LMNTD1: variants seen among roughly 807,000 people sequenced by gnomAD.
LMNTD1 encodes lamin tail domain containing 1, also known as lamin tail domain-containing protein 1.
A neutral mutation model predicts 50.9 loss-of-function variants in LMNTD1; 35 were observed. The observed-to-expected ratio is 0.69, with a 90% CI of 0.53 to 0.91. The LOEUF is 0.91. Among genes scored for constraint, LMNTD1 ranks in the 40% least tolerant of loss-of-function variants. The probability of loss-of-function intolerance (pLI) is 0.00; values close to 1 mark genes in which losing one functional copy is unlikely to be tolerated. For synonymous variants in LMNTD1, 153 were observed against 161.9 expected, an observed-to-expected ratio of 0.94 and a Z score of 0.42; for missense variants, 470 against 475.5, an observed-to-expected ratio of 0.99 and a Z score of 0.11.
chr12:25,607,253 A>G (rs879071739), intron 1 of LMNTD1, among the ~76,000 whole-genome samples: 3 of 152,160 alleles, frequency 2.0e-5, no homozygotes, highest in African/African-American at 7.2e-5. Flanking sequence ...CTAGCAGTCT[A>G]TCAACTTTGT....
intron 2 of LMNTD1, among the ~76,000 whole-genome samples, chr12:25,549,978 A>G (rs1943660094): frequency 6.6e-6 from 1 of 152,072 alleles, no homozygotes; most frequent in African/African-American, 2.4e-5. Flanking sequence ...CATGATTATA[A>G]TTCTGGTTTA....
intron 8 of LMNTD1, among the ~76,000 whole-genome samples, chr12:25,506,659 C>T (rs1316773296): frequency 2.6e-5 from 4 of 151,140 alleles, no homozygotes; most frequent in Non-Finnish European, 4.4e-5. Context: ...TTCATTCTGA[C>T]GACTCCTTCG....
At chr12:25,514,996 A>G (rs1940646732) in intron 8 of LMNTD1, among the ~76,000 whole-genome samples, 1 of 152,148 alleles carries the variant, frequency 6.6e-6, no homozygotes, top group South Asian at 2.1e-4. Flanking sequence ...AGAGCAGTTG[A>G]GCAAAATCTA....
intron 1 of LMNTD1, among the ~76,000 whole-genome samples, chr12:25,606,775 G>A (rs368417262): frequency 5.3e-5 from 8 of 151,994 alleles, no homozygotes; most frequent in East Asian, 1.9e-4. Context: ...TTCATCAAGG[G>A]TATTGGTCTA....
At chr12:25,585,481 C>T (rs2136443574) in intron 1 of LMNTD1, among the ~76,000 whole-genome samples, 2 of 152,270 alleles carry the variant, frequency 1.3e-5, no homozygotes, top group South Asian at 4.1e-4. Flanking sequence ...AAGGAAAAAA[C>T]TTCTTAACTC....
chr12:25,552,765 C>G lies in LMNTD1; in HGVS notation c.89+106G>C, dbSNP rs112240149. 2,496 of 689,416 alleles carry G rather than the reference C, an allele frequency of 3.6e-3. 90 individuals carry two copies. In the Admixed American group the frequency reaches 0.057, roughly 16 times the overall value. 42.7% of individuals were successfully genotyped at this position (689,416 alleles called of 1,614,324 possible). ...AAAATTTGTGAGATATATTCTAGTT[C>G]TAACTGGTTCATAAGAGTATTGAAA... is the stretch of plus-strand genomic sequence containing the variant. On this transcript the variant is annotated intron_variant, in intron 2 of 9. Coordinates refer to ENST00000458174, the MANE Select transcript of LMNTD1 (RefSeq NM_001145728.2).
intron 1 of LMNTD1, among the ~76,000 whole-genome samples, chr12:25,645,199 G>GT (rs1253068914): frequency 6.6e-5 from 10 of 152,194 alleles, no homozygotes; most frequent in Non-Finnish European, 1.2e-4. Flanking sequence ...GTCTAGCCAG[G>GT]TAAGTACAGG....
intron 9 of LMNTD1, among the ~76,000 whole-genome samples, chr12:25,481,243 G>C (rs576632717): frequency 1.3e-5 from 2 of 151,780 alleles, no homozygotes; most frequent in Non-Finnish European, 2.9e-5. Flanking sequence ...ATCCTTCTCG[G>C]TTTATTTTCC....
intron 4 of LMNTD1, among the ~76,000 whole-genome samples, chr12:25,543,976 T>C (rs1170542946): frequency 6.6e-6 from 1 of 151,932 alleles, no homozygotes; most frequent in Non-Finnish European, 1.5e-5. Flanking sequence ...TTTTTTGATA[T>C]TTGTTTTGTG....
At chr12:25,586,134 A>T (rs890058644) in intron 1 of LMNTD1, 7 of 152,206 alleles carry the variant, frequency 4.6e-5, no homozygotes, top group African/African-American at 1.7e-4. Flanking sequence ...GTAGTGTCAA[A>T]GGCAAGTAGA....
intron 1 of LMNTD1, among the ~76,000 whole-genome samples, chr12:25,606,942 G>T (rs1158333267): frequency 6.6e-6 from 1 of 152,106 alleles, no homozygotes; most frequent in African/African-American, 2.4e-5. Flanking sequence ...GTAGAATTCG[G>T]CTGTGAATCT....
intron 1 of LMNTD1, among the ~76,000 whole-genome samples, chr12:25,647,237 T>C (rs943046465): frequency 6.6e-6 from 1 of 152,224 alleles, no homozygotes; most frequent in African/African-American, 2.4e-5. Flanking sequence ...GGCTCATGCC[T>C]GTAATCCCAC....
intron 9 of LMNTD1, among the ~76,000 whole-genome samples, chr12:25,481,591 T>A (rs1311153344): frequency 1.1e-4 from 17 of 151,970 alleles, no homozygotes; most frequent in Non-Finnish European, 2.9e-5. Flanking sequence ...AATGCTGCCA[T>A]ATTTTGGGAA....
chr12:25,573,875 C>A (rs1319242241), intron 1 of LMNTD1, among the ~76,000 whole-genome samples: 1 of 152,082 alleles, frequency 6.6e-6, no homozygotes, highest in Non-Finnish European at 1.5e-5. Flanking sequence ...GTGGGACCTG[C>A]CTAACTGGAC....
intron 1 of LMNTD1, among the ~76,000 whole-genome samples, chr12:25,562,087 T>C (rs557862017): frequency 6.6e-6 from 1 of 152,342 alleles, no homozygotes; most frequent in Admixed American, 6.5e-5. Flanking sequence ...TGACTCTTTA[T>C]GTAATTTGCC....
At chr12:25,524,150 TTAC>T (rs2136069663) in intron 6 of LMNTD1, among the ~76,000 whole-genome samples, 1 of 152,298 alleles carries the variant, frequency 6.6e-6, no homozygotes, top group Non-Finnish European at 1.5e-5. Context: ...ATGCTCTCCT[TTAC>T]AGAGTTGATA....
rs188401089 is a variant in LMNTD1 at position 25,638,915 on chromosome 12, T to A, written c.58+9579A>T. Among the ~76,000 whole-genome samples, 41 of 152,266 alleles carry A rather than the reference T, an allele frequency of 2.7e-4. No homozygotes were observed. In the South Asian group the frequency reaches 3.3e-3, roughly 12 times the overall value. ...AGTTGGAGGACTCCAATTCTGGATT[T>A]CAAAACTTGCTACAAAGAGCAATGA... On this transcript the variant is annotated intron_variant, in intron 1 of 7. Transcript: ENST00000445693.
rs970520899 is a variant in LMNTD1, at chr12:25,519,880, G to T, written c.994C>A (p.Gln332Lys). The T allele has an allele frequency of 5.6e-6, 9 of 1,610,682 alleles. No homozygotes were observed. Among genetic ancestry groups the T allele is most frequent in the Non-Finnish European group, 7.6e-6 (9 of 1,178,728 alleles). Residue 332 changes from glutamine to lysine, a missense_variant, in exon 7 of 10, where the codon CAA (glutamine) becomes AAA (lysine). By Grantham distance (53) the Gln-to-Lys change is moderately conservative (BLOSUM62 1). Transcript: ENST00000458174. ...TACCTCTTAAGAAGAACTTGAGCTT[G>T]TTCCACCTGATAATTTGAGATATCT... is the stretch of plus-strand genomic sequence containing the variant. The part of the protein sequence containing the change: ...KKDISNYQVE[Q>K]AQVLLKREKE...
At chr12:25,590,020 C>T (rs1414616636) in intron 1 of LMNTD1, among the ~76,000 whole-genome samples, 1 of 152,104 alleles carries the variant, frequency 6.6e-6, no homozygotes, top group African/African-American at 2.4e-5. Context: ...ACCAATCATG[C>T]CCCCTACAAA....
Sources: allele counts gnomAD v4.1 joint callset (sites outside exome capture counted in the v4.1 genomes callset), GRCh38; gene constraint gnomAD v4.1.1; transcripts MANE v1.5; gene names NCBI Gene and HGNC (gene_info 2026-07-23, HGNC 2026-07-21).